Variants in TRMT44 observed in about 807,000 individuals in gnomAD.
TRMT44 encodes the protein probable tRNA (uracil-O(2)-)-methyltransferase.
Under a neutral mutation model 77.3 loss-of-function variants are expected in TRMT44, and 78 were observed. The observed-to-expected ratio is 1.01, with a 90% CI of 0.84 to 1.22. The LOEUF (loss-of-function observed/expected upper bound fraction) is 1.22. TRMT44 is among the 50% of genes most tolerant of loss of function. TRMT44 has a pLI of 0.00. For synonymous variants in TRMT44, 391 were observed against 383.3 expected (o/e 1.02, Z -0.23); for missense variants, 1,090 against 964.4 (o/e 1.13, Z -1.73).
chr4:8,465,314 C>T (rs1202521697), intron 7 of TRMT44, 64 bp from the exon 8 acceptor site: 1 of 1,499,786 alleles, frequency 6.7e-7, no homozygotes, highest in South Asian at 1.3e-5. Flanking sequence ...TGGCTTTGTT[C>T]CGAATTTCCT....
At chr4:8,500,845 G>C in the TRMT44 span, among the ~76,000 whole-genome samples, 1 of 152,174 alleles carries the variant, frequency 6.6e-6, no homozygotes, top group Non-Finnish European at 1.5e-5. Context: ...ATTTTTAGTA[G>C]AGACGGAGGT....
rs1467177093 is a variant in TRMT44, at chr4:8,446,603, C to T, written c.734+13C>T. On this transcript the variant is annotated intron_variant, in intron 2 of 10. Transcript: ENST00000389737. This position sits in a 1 kb window ranked among gnomAD's most constrained non-coding sequence, Gnocchi z 4.3. ...GCAAAGAAGAATGGTAAGAGCTGGA[C>T]AGTGGACTCCTAGTTTTATGGTTTC... is the stretch of plus-strand genomic sequence containing the variant. 6 of 1,483,348 alleles carry T rather than the reference C, an allele frequency of 4.0e-6. No individual in the cohort carries two copies. The African/African-American group carries it at 5.6e-5, about 14-fold the overall frequency. 91.9% of individuals were successfully genotyped at this position (1,483,348 alleles called of 1,614,324 possible). A position where few individuals can be genotyped will look rare whatever the true frequency, so the allele number is the denominator to read the frequency against.
chr4:8,493,172 G>A (rs1387660098), intron 2 of TRMT44: 1 of 152,214 alleles, frequency 6.6e-6, no homozygotes, highest in African/African-American at 2.4e-5. Flanking sequence ...AGAAATTATG[G>A]TGTAGGAGTA....
chr4:8,445,764 C>T (rs1725018562), intron 1 of TRMT44, among the ~76,000 whole-genome samples: 1 of 152,204 alleles, frequency 6.6e-6, no homozygotes. Flanking sequence ...CTTGTTCTTT[C>T]ATCTGCTGTG....
chr4:8,457,425 T>C (rs1213951336), intron 6 of TRMT44, among the ~76,000 whole-genome samples: 1 of 152,170 alleles, frequency 6.6e-6, no homozygotes, highest in African/African-American at 2.4e-5. Context: ...CTGTTGATAT[T>C]GGACAATGCT....
At chr4:8,489,126 A>G (rs2109229581) in intron 2 of TRMT44, among the ~76,000 whole-genome samples, 1 of 152,362 alleles carries the variant, frequency 6.6e-6, no homozygotes, top group Non-Finnish European at 1.5e-5. Context: ...GGAGTGGGCT[A>G]TTCCTGACTG....
the TRMT44 span, chr4:8,506,890 G>C: frequency 1.0e-4 from 16 of 152,618 alleles, no homozygotes; most frequent in African/African-American, 3.6e-4. Context: ...TCAGCCGCCT[G>C]CAACAGGCAG....
Position 8,452,710 on chromosome 4 carries a change from G to A in TRMT44, c.1024-172G>A, listed in dbSNP as rs1167780978. On this transcript the variant is annotated intron_variant, in intron 4 of 10. Transcript: ENST00000389737. The surrounding 1 kb of genome is among the most constrained non-coding windows in gnomAD (Gnocchi z 5.7). ...GATTGCATCATTGCACTCTAGCCTG[G>A]GCGGCAAGAGCAACACTCCATCTCA... 6.6e-6 allele frequency among the ~76,000 whole-genome samples: 1 copy of A among 151,846 alleles called. No homozygotes were observed. Among genetic ancestry groups the A allele is most frequent in the Non-Finnish European group, 1.5e-5 (1 of 67,994 alleles).
intron 2 of TRMT44, among the ~76,000 whole-genome samples, chr4:8,481,701 G>T (rs1012924399): frequency 2.0e-5 from 3 of 152,172 alleles, no homozygotes; most frequent in Admixed American, 6.5e-5. Context: ...AATGAAAAGA[G>T]AAACACACAC....
chr4:8,493,052 A>T (rs969020289), intron 2 of TRMT44, among the ~76,000 whole-genome samples: 3 of 152,214 alleles, frequency 2.0e-5, no homozygotes, highest in Non-Finnish European at 4.4e-5. Context: ...TGGGGTTCAC[A>T]ATGGTTTAAC....
At chr4:8,487,418 G>A (rs534284457) in intron 2 of TRMT44, among the ~76,000 whole-genome samples, 81 of 152,098 alleles carry the variant, frequency 5.3e-4, no homozygotes, top group African/African-American at 1.5e-3. Flanking sequence ...GAAAGGGGTC[G>A]GATCGTGGAA....
At chr4:8,472,226 C>T (rs544126571) in intron 10 of TRMT44, among the ~76,000 whole-genome samples, 1 of 152,214 alleles carries the variant, frequency 6.6e-6, no homozygotes, top group African/African-American at 2.4e-5. Flanking sequence ...TAGGAAATGA[C>T]ACTTGAGCTG....
At position 8,446,614 on chromosome 4, in the gene TRMT44, T is replaced by C; in HGVS notation, c.734+24T>C. ...TGGTAAGAGCTGGACAGTGGACTCC[T>C]AGTTTTATGGTTTCCATTGAGGATT... On this transcript the variant is annotated intron_variant, in intron 2 of 10. Transcript: ENST00000389737. This position sits in a 1 kb window ranked among gnomAD's most constrained non-coding sequence, Gnocchi z 4.3. The C allele has an allele frequency of 1.4e-6, 2 of 1,462,310 alleles. No individual in the cohort carries two copies. Among genetic ancestry groups the C allele is most frequent in the Admixed American group, 2.0e-5 (1 of 48,848 alleles). 90.6% of individuals were successfully genotyped at this position (1,462,310 alleles called of 1,614,324 possible).
At chr4:8,465,624 T>C in intron 8 of TRMT44, 63 bp downstream of exon 8, 2 of 1,424,766 alleles carry the variant, frequency 1.4e-6, no homozygotes, top group East Asian at 2.3e-5. Flanking sequence ...AGCTCAGGGC[T>C]CTGCCACAGA....
chr4:8,478,484 C>G (rs770018467), downstream of TRMT44: 19 of 152,610 alleles, frequency 1.2e-4, no homozygotes, highest in Non-Finnish European at 2.5e-4. Context: ...CCATTTCTTA[C>G]TGCCCCCCAG....
rs964887760 is a variant in TRMT44 at position 8,461,688 on chromosome 4, G to C, written c.1204-2297G>C. On this transcript the variant is annotated intron_variant, in intron 6 of 10. Transcript: ENST00000389737. The surrounding 1 kb of genome is among the most constrained non-coding windows in gnomAD (Gnocchi z 4.6). Reference sequence around the variant, plus strand: ...GTTCTGTATTCTAATCAAGTGTGTAGGTTTTTTCCTTGTTACCTCCCAACC... The same window carrying C: ...GTTCTGTATTCTAATCAAGTGTGTACGTTTTTTCCTTGTTACCTCCCAACC... Among the ~76,000 whole-genome samples the C allele has an allele frequency of 1.3e-5, 2 of 152,024 alleles. No homozygotes were observed. Among genetic ancestry groups the C allele is most frequent in the African/African-American group, 2.4e-5 (1 of 41,376 alleles).
intron 6 of TRMT44, among the ~76,000 whole-genome samples, chr4:8,458,378 A>G (rs948335027): frequency 6.6e-6 from 1 of 151,668 alleles, no homozygotes; most frequent in Non-Finnish European, 1.5e-5. Context: ...TGTGAAGAGG[A>G]TGGGGATGAA....
At chr4:8,480,657 C>T (rs1026900425), downstream of TRMT44, among the ~76,000 whole-genome samples, 4 of 152,174 alleles carry the variant, frequency 2.6e-5, no homozygotes, top group African/African-American at 4.8e-5. Flanking sequence ...CTGGCGCCTG[C>T]GACCAATGAT....
At chr4:8,510,257 T>G in the TRMT44 span, 4 of 152,716 alleles carry the variant, frequency 2.6e-5, no homozygotes, top group Admixed American at 1.3e-4. Flanking sequence ...CCCTGCCTTT[T>G]CCAGCTCCTG....
Sources: gnomAD v4.1 joint callset for allele counts (sites outside exome capture counted in the v4.1 genomes callset) on GRCh38, gnomAD v4.1.1 for gene constraint, Gnocchi (gnomAD v3.1) non-coding constraint, MANE v1.5 for transcripts, NCBI Gene and HGNC (gene_info 2026-07-23, HGNC 2026-07-21) for gene names.